LAMA4: variants seen among roughly 807,000 people sequenced by gnomAD.
LAMA4 encodes laminin subunit alpha 4.
In LAMA4, 127 loss-of-function variants were observed where a neutral mutation model predicts 207.1. The observed-to-expected ratio is 0.61, with a 90% CI of 0.53 to 0.71. The LOEUF (loss-of-function observed/expected upper bound fraction) is 0.71, where lower values mean the gene tolerates loss of function less well. LAMA4 is among the 30% of genes least tolerant of loss of function. The probability of loss-of-function intolerance (pLI) is 0.00; values close to 1 mark genes in which losing one functional copy is unlikely to be tolerated. For synonymous variants in LAMA4, 761 were observed against 816.0 expected (o/e 0.93, Z 1.15); for missense variants, 2,093 against 2,246.5 (o/e 0.93, Z 1.38).
chr6:112,165,064 A>T, intron 13 of LAMA4, 96 bp downstream of exon 13: 1 of 796,796 alleles, frequency 1.3e-6, no homozygotes, highest in Non-Finnish European at 2.3e-6. Context: ...ATGCCTGCTC[A>T]CTGGTTAGAT....
In LAMA4 at chr6:112,165,474, C is replaced by T. The variant is rs1030454012; in HGVS notation, c.1552-198G>A. On this transcript the variant is annotated intron_variant, in intron 12 of 38. Coordinates refer to ENST00000230538, the MANE Select transcript of LAMA4 (RefSeq NM_001105206.3). The stretch of plus-strand genomic sequence containing the variant: ...CTCATTTATAATACAGAGATAACAA[C>T]AGTAAGAATCTTGGGAGATTAGACA... Among the ~76,000 whole-genome samples, 212 of 152,278 alleles carry T rather than the reference C, an allele frequency of 1.4e-3. No individual in the cohort carries two copies. Among genetic ancestry groups the T allele is most frequent in the Non-Finnish European group, 5.0e-4 (34 of 68,030 alleles).
At chr6:112,208,995 T>C (rs943545360) in intron 3 of LAMA4, among the ~76,000 whole-genome samples, 1 of 152,168 alleles carries the variant, frequency 6.6e-6, no homozygotes, top group Non-Finnish European at 1.5e-5. Context: ...GAAATATTTA[T>C]TGGGGAAAAA....
Position 112,139,881 on chromosome 6 carries a change from G to A in LAMA4, c.2981C>T (p.Pro994Leu), listed in dbSNP as rs1554332648. The A allele has an allele frequency of 1.2e-6, 2 of 1,613,928 alleles. No homozygotes were observed. The highest frequency in any genetic ancestry group is 3.3e-5 in the Admixed American group (2 of 60,010). ...VGGVPSNFKL[P>L]TSLNLPGFVG... The stretch of plus-strand genomic sequence containing the variant: ...AAAGCCAGGCAGGTTTAAGCTGGTA[G>A]GGAGCTATGCAATAGAAAAAGTAAA... The change falls in exon 23 of 39, where the codon CCT (proline) becomes CTT (leucine). Residue 994 changes from proline to leucine, a missense_variant. By Grantham distance (98) the Pro-to-Leu change is moderately conservative. Coordinates refer to ENST00000230538, the MANE Select transcript of LAMA4 (RefSeq NM_001105206.3).
intron 2 of LAMA4, chr6:112,219,602 T>C (rs779336694): frequency 1.3e-5 from 2 of 152,212 alleles, no homozygotes; most frequent in Non-Finnish European, 2.9e-5. Context: ...TATAATATAG[T>C]GGCCAGCAAT....
chr6:112,172,621 C>G lies in LAMA4; in HGVS notation c.1541G>C (p.Arg514Pro). 6.2e-7 allele frequency: 1 copy of G among 1,612,764 alleles called. No homozygotes were observed. ...GAGTGTCCGCTGTACCTCATGGTCC[C>G]GCTGCCTGGCTGCTGTGGCCCTGTT... is the stretch of plus-strand genomic sequence containing the variant. ...DMNRATAARQ[R>P]DHEKQQERVR... The change falls in exon 12 of 39, where the codon CGG (arginine) becomes CCG (proline). Residue 514 changes from arginine to proline, a missense_variant. Around this residue, in one of 3 missense-constraint regions of LAMA4, gnomAD observed 1,704 missense variants for 1,788.4 expected, o/e 0.95. Coordinates refer to ENST00000230538, the MANE Select transcript of LAMA4 (RefSeq NM_001105206.3).
chr6:112,129,590 T>C (rs1778906552), intron 30 of LAMA4, among the ~76,000 whole-genome samples: 1 of 152,172 alleles, frequency 6.6e-6, no homozygotes, highest in Non-Finnish European at 1.5e-5. Flanking sequence ...ATGTGCATTA[T>C]CTTCTCATTT....
intron 9 of LAMA4, 158 bp from the exon 10 acceptor site, chr6:112,178,390 T>C: frequency 1.5e-6 from 1 of 653,712 alleles, no homozygotes; most frequent in South Asian, 1.8e-5. Context: ...AAATAATGCA[T>C]GAAAGGTAAT....
intron 22 of LAMA4, 71 bp downstream of exon 22, chr6:112,140,689 A>G: frequency 2.1e-6 from 3 of 1,433,680 alleles, no homozygotes; most frequent in South Asian, 2.4e-5. Flanking sequence ...CCAAGTCATT[A>G]TAGGTTTATG....
rs186154164 is a variant in LAMA4 at position 112,117,612 on chromosome 6, G to A, written c.4981+127C>T. The A allele has an allele frequency of 4.1e-4, 362 of 885,578 alleles. 1 individual carries two copies. In the African/African-American group the frequency reaches 4.8e-3, roughly 12 times the overall value. The allele number at this position is 885,578 out of a possible 1,614,324, so 54.9% of individuals were successfully genotyped here. On this transcript the variant is annotated intron_variant, in intron 35 of 38. Transcript: ENST00000230538. The surrounding 1 kb of genome is among the most constrained non-coding windows in gnomAD (Gnocchi z 4.5). Reference sequence around the variant, plus strand: ...AGGAGGGAGAAAGGTGGTTCTTGTGGGAAGAGGTCATCTTCTAGGGCTGAG... The same window carrying A: ...AGGAGGGAGAAAGGTGGTTCTTGTGAGAAGAGGTCATCTTCTAGGGCTGAG...
intron 2 of LAMA4, among the ~76,000 whole-genome samples, chr6:112,223,278 C>T (rs1303024794): frequency 6.6e-6 from 1 of 152,034 alleles, no homozygotes; most frequent in Non-Finnish European, 1.5e-5. Context: ...ATGCGGCACA[C>T]AAGGGTTAGC....
Position 112,133,332 on chromosome 6 carries a change from G to T in LAMA4, c.3696+17C>A. 6.2e-7 allele frequency: 1 copy of T among 1,613,240 alleles called. No individual in the cohort carries two copies. The highest frequency in any genetic ancestry group is 1.1e-5 in the South Asian group (1 of 91,026). On this transcript the variant is annotated intron_variant, in intron 27 of 38. Transcript: ENST00000230538. The stretch of plus-strand genomic sequence containing the variant: ...GTATTGTGTCTATTAAAAAGCTTTT[G>T]ACTGAGTGGTTCTTACAAGTGAGTC...
intron 32 of LAMA4, 116 bp downstream of exon 32, chr6:112,121,898 T>A (rs782766154): frequency 3.6e-5 from 31 of 859,094 alleles, no homozygotes; most frequent in Non-Finnish European, 5.8e-5. Flanking sequence ...GGTGATAACA[T>A]AATAGGATTA....
intron 2 of LAMA4, among the ~76,000 whole-genome samples, chr6:112,250,367 A>G (rs1554189537): frequency 6.6e-6 from 1 of 152,216 alleles, no homozygotes; most frequent in East Asian, 1.9e-4. Flanking sequence ...AACAAGGAAA[A>G]AAGTCAAGAG....
At chr6:112,136,691 CAAAAA>C (rs57602663) in intron 24 of LAMA4, among the ~76,000 whole-genome samples, 1 of 118,192 alleles carries the variant, frequency 8.5e-6, no homozygotes, top group Non-Finnish European at 1.8e-5. Context: ...GACTCTGTCT[CAAAAA>C]AAAAAAAAAA....
chr6:112,212,156 C>T (rs1192756772), intron 3 of LAMA4, among the ~76,000 whole-genome samples: 1 of 151,424 alleles, frequency 6.6e-6, no homozygotes, highest in Non-Finnish European at 1.5e-5. Flanking sequence ...ATGGGGAGGA[C>T]CAAGTTCAGG....
In LAMA4 at chr6:112,109,346, C is replaced by G; in HGVS notation, c.*91G>C. The G allele has an allele frequency of 7.1e-7, 1 of 1,399,904 alleles. No homozygotes were observed. Among genetic ancestry groups the G allele is most frequent in the Non-Finnish European group, 1.0e-6 (1 of 998,050 alleles). The allele number at this position is 1,399,904 out of a possible 1,614,324, so 86.7% of individuals were successfully genotyped here. On this transcript the variant is annotated 3_prime_UTR_variant, in exon 39 of 39. Coordinates refer to ENST00000230538, the MANE Select transcript of LAMA4 (RefSeq NM_001105206.3). ...GTTCAACTCGATGAAAGCTTCCACC[C>G]GAAGGAAGAGTTACTGTTCCTCCTG...
rs374364713 is a variant in LAMA4 at position 112,216,480 on chromosome 6, C to T, written c.196-11G>A. 83 of 1,552,324 alleles carry T rather than the reference C, an allele frequency of 5.3e-5. No homozygotes were observed. Among genetic ancestry groups the T allele is most frequent in the Admixed American group, 6.7e-5 (4 of 59,924 alleles). ...TCCAGCATTGCATTTCTGCAACAGA[C>T]ACACCAAACCATTTTGATTATTGAA... On this transcript the variant is annotated splice_polypyrimidine_tract_variant and intron_variant, in intron 2 of 38. Coordinates refer to ENST00000230538, the MANE Select transcript of LAMA4 (RefSeq NM_001105206.3).
intron 32 of LAMA4, 53 bp downstream of exon 32, chr6:112,121,961 G>T: frequency 6.6e-7 from 1 of 1,506,474 alleles, no homozygotes; most frequent in Non-Finnish European, 9.2e-7. Context: ...GACAAACAAA[G>T]ATGGAGCCCA....
At chr6:112,159,608 A>G (rs2114801572) in intron 13 of LAMA4, 1 of 152,638 alleles carries the variant, frequency 6.6e-6, no homozygotes, top group Non-Finnish European at 1.5e-5. Context: ...AAACATTGTC[A>G]TGATTCCTAA....
Sources: allele counts gnomAD v4.1 joint callset (sites outside exome capture counted in the v4.1 genomes callset), GRCh38; gene constraint gnomAD v4.1.1; regional missense constraint gnomAD v4.1.1; non-coding constraint Gnocchi (gnomAD v3.1); transcripts MANE v1.5; gene names NCBI Gene and HGNC (gene_info 2026-07-23, HGNC 2026-07-21).